The following DPP10 variants were observed in gnomAD, a reference collection of about 807,000 sequenced individuals.
The protein encoded by DPP10 is inactive dipeptidyl peptidase 10.
DPP10 carries 33 observed loss-of-function variants against 120.9 expected under a neutral mutation model. That is an observed-to-expected ratio of 0.27 (90% CI 0.21 to 0.37). The LOEUF is 0.37. DPP10 is among the 10% of genes least tolerant of loss of function. DPP10 has a pLI of 1.00. For missense variants in DPP10, 816 were observed against 942.8 expected (o/e 0.87, Z 1.76); for synonymous variants, 337 against 326.1 (o/e 1.03, Z -0.36).
intron 12 of DPP10, among the ~76,000 whole-genome samples, chr2:115,766,275 TCATTA>T (rs1225696441): frequency 1.1e-3 from 153 of 144,160 alleles, no homozygotes; most frequent in African/African-American, 3.8e-3. Flanking sequence ...ACAAAAATAC[TCATTA>T]TATATATGTG....
At chr2:115,052,266 A>G (rs1705551625) in intron 1 of DPP10, among the ~76,000 whole-genome samples, 1 of 152,206 alleles carries the variant, frequency 6.6e-6, no homozygotes. Context: ...TATTTGAATT[A>G]GGTAGTGGTT....
intron 9 of DPP10, among the ~76,000 whole-genome samples, chr2:115,743,318 T>C (rs1284619929): frequency 1.3e-5 from 2 of 152,124 alleles, no homozygotes. Context: ...TTAGTTGAGA[T>C]GTTCACGTTT....
chr2:115,238,677 T>C (rs1022588741), intron 1 of DPP10, among the ~76,000 whole-genome samples: 4 of 152,142 alleles, frequency 2.6e-5, no homozygotes, highest in African/African-American at 9.7e-5. Context: ...GATTTACTTC[T>C]TATGGATGAG....
intron 1 of DPP10, among the ~76,000 whole-genome samples, chr2:114,997,719 G>C (rs769189350): frequency 7.2e-5 from 11 of 152,130 alleles, no homozygotes; most frequent in Non-Finnish European, 1.3e-4. Flanking sequence ...TGAAAAGAAG[G>C]CTTCTGTTTA....
chr2:115,784,361 T>G (rs1391062099), intron 17 of DPP10, among the ~76,000 whole-genome samples: 2 of 152,176 alleles, frequency 1.3e-5, no homozygotes, highest in East Asian at 3.9e-4. Flanking sequence ...AGGAAAATAT[T>G]TAACAAGCAT....
intron 3 of DPP10, among the ~76,000 whole-genome samples, chr2:115,473,532 T>G (rs1170732256): frequency 6.6e-6 from 1 of 152,106 alleles, no homozygotes; most frequent in Non-Finnish European, 1.5e-5. Flanking sequence ...GGGGTAAACT[T>G]TTTATAACAA....
intron 1 of DPP10, among the ~76,000 whole-genome samples, chr2:114,885,865 T>A (rs1692027376): frequency 6.6e-6 from 1 of 152,202 alleles, no homozygotes; most frequent in African/African-American, 2.4e-5. Flanking sequence ...CACAAGCAAA[T>A]TATTTTAACA....
chr2:115,037,695 C>G (rs76805088), intron 1 of DPP10, among the ~76,000 whole-genome samples: 7,281 of 152,206 alleles, frequency 0.048, 264 homozygotes, highest in East Asian at 0.17. Flanking sequence ...CTAGTTAATT[C>G]TTTTGCTTTT....
intron 4 of DPP10, among the ~76,000 whole-genome samples, chr2:115,505,102 T>C (rs1251112640): frequency 6.6e-6 from 1 of 152,136 alleles, no homozygotes. Flanking sequence ...GTATCTCAGA[T>C]GGTAGGACCA....
At chr2:114,481,368 TATC>T (rs1681031999) in intron 1 of DPP10, among the ~76,000 whole-genome samples, 1 of 152,048 alleles carries the variant, frequency 6.6e-6, no homozygotes, top group Non-Finnish European at 1.5e-5. Flanking sequence ...CACAATAAAA[TATC>T]ATGATACCCC....
intron 1 of DPP10, among the ~76,000 whole-genome samples, chr2:115,091,535 C>G (rs908669153): frequency 3.3e-5 from 5 of 152,082 alleles, no homozygotes; most frequent in Admixed American, 3.3e-4. Context: ...CCTTCTCCCC[C>G]CTCAACCCCA....
intron 1 of DPP10, among the ~76,000 whole-genome samples, chr2:114,756,683 G>A (rs746317279): frequency 1.1e-4 from 17 of 152,096 alleles, no homozygotes; most frequent in Non-Finnish European, 1.6e-4. Context: ...GTACATTTAC[G>A]AAAGATGATG....
At chr2:115,063,650 AAAAC>A (rs1461665362) in intron 1 of DPP10, among the ~76,000 whole-genome samples, 1 of 152,208 alleles carries the variant, frequency 6.6e-6, no homozygotes, top group African/African-American at 2.4e-5. Flanking sequence ...AAATCTGACA[AAAAC>A]AAGCAATGGG....
At chr2:115,091,890 C>A (rs1346983069) in intron 1 of DPP10, among the ~76,000 whole-genome samples, 1 of 152,116 alleles carries the variant, frequency 6.6e-6, no homozygotes, top group Non-Finnish European at 1.5e-5. Context: ...TGAAAATAGT[C>A]ACAGTGGAGC....
intron 1 of DPP10, among the ~76,000 whole-genome samples, chr2:115,039,042 G>A (rs931410881): frequency 6.6e-6 from 1 of 152,184 alleles, no homozygotes; most frequent in African/African-American, 2.4e-5. Context: ...AGACAGAGAA[G>A]GCCAGAAGAT....
At chr2:115,025,077 A>T (rs1703362805) in intron 1 of DPP10, among the ~76,000 whole-genome samples, 1 of 152,072 alleles carries the variant, frequency 6.6e-6, no homozygotes, top group South Asian at 2.1e-4. Context: ...AACTATAGTC[A>T]CCTTAGTGAA....
chr2:115,520,113 T>C (rs1468564528), intron 4 of DPP10, among the ~76,000 whole-genome samples: 2 of 152,078 alleles, frequency 1.3e-5, no homozygotes, highest in Admixed American at 1.3e-4. Flanking sequence ...GGTCAGGAGT[T>C]TGAGACCAGT....
Position 115,133,464 on chromosome 2 carries a change from T to C in DPP10, c.61-175775T>C, listed in dbSNP as rs189258117. On this transcript the variant is annotated intron_variant, in intron 1 of 25. Transcript: ENST00000410059. ...GATAAGTTTTCTCATTTAATGTTTA[T>C]AACAACTCTATTGATAAGGACATGT... Among the ~76,000 whole-genome samples, 75 of 152,140 alleles carry C rather than the reference T, an allele frequency of 4.9e-4. 1 individual carries two copies. Among genetic ancestry groups the C allele is most frequent in the Admixed American group, 9.8e-4 (15 of 15,280 alleles).
intron 3 of DPP10, among the ~76,000 whole-genome samples, chr2:115,489,907 G>A (rs1558745694): frequency 6.6e-6 from 1 of 151,932 alleles, no homozygotes; most frequent in Non-Finnish European, 1.5e-5. Context: ...TTCTCTCTGA[G>A]GCTTCATCTG....
Sources: gnomAD v4.1 joint callset for allele counts (sites outside exome capture counted in the v4.1 genomes callset) on GRCh38, gnomAD v4.1.1 for gene constraint, MANE v1.5 for transcripts, NCBI Gene and HGNC (gene_info 2026-07-23, HGNC 2026-07-21) for gene names.